CWF19L2: variants seen among roughly 807,000 people sequenced by gnomAD.
The protein encoded by CWF19L2 is CWF19 like cell cycle control factor 2.
A neutral mutation model predicts 111.7 loss-of-function variants in CWF19L2; 98 were observed. The ratio of observed to expected loss-of-function variants is 0.88; its 90% CI spans 0.75 to 1.04. The LOEUF is 1.04. Among genes scored for constraint, CWF19L2 ranks in the 50% least tolerant of loss-of-function variants. The probability of loss-of-function intolerance (pLI) is 0.00; values close to 1 mark genes in which losing one functional copy is unlikely to be tolerated. For synonymous variants in CWF19L2, 351 were observed against 342.9 expected (o/e 1.02, Z -0.26); for missense variants, 1,101 against 1,051.4 (o/e 1.05, Z -0.65).
intron 8 of CWF19L2, among the ~76,000 whole-genome samples, 160 bp from the exon 9 acceptor site, chr11:107,418,447 C>T (rs1861258444): frequency 6.6e-6 from 1 of 152,166 alleles, no homozygotes; most frequent in Non-Finnish European, 1.5e-5. Flanking sequence ...TATTTTTCCA[C>T]AAATTGATAA....
At chr11:107,418,943 A>T (rs1861266044) in intron 8 of CWF19L2, among the ~76,000 whole-genome samples, 1 of 152,216 alleles carries the variant, frequency 6.6e-6, no homozygotes, top group Non-Finnish European at 1.5e-5. Flanking sequence ...AGTCTGAAGG[A>T]TTTCTGAGTA....
Position 107,400,108 on chromosome 11 carries a change from CA to C in CWF19L2, c.1618-7214del, listed in dbSNP as rs1003130232. 4.6e-5 allele frequency among the ~76,000 whole-genome samples: 7 copies of C among 152,052 alleles called. No individual in the cohort carries two copies. The East Asian group carries it at 1.4e-3, about 29-fold the overall frequency. ...AGTTCATAGCCCTAAACGCCTATATCAAAAGTCTGAAAGTGCACAAACTGAC... is the reference window on the plus strand; with the variant it reads ...AGTTCATAGCCCTAAACGCCTATATCAAAGTCTGAAAGTGCACAAACTGAC... On this transcript the variant is annotated intron_variant, in intron 10 of 17. Transcript: ENST00000282251.
At chr11:107,339,879 G>A (rs1236520352) in intron 14 of CWF19L2, among the ~76,000 whole-genome samples, 4 of 151,966 alleles carry the variant, frequency 2.6e-5, no homozygotes, top group African/African-American at 7.3e-5. Context: ...TGTTGGCCAG[G>A]CTGGTCTCAA....
chr11:107,401,813 A>G (rs1591184401), intron 10 of CWF19L2, among the ~76,000 whole-genome samples: 1 of 152,278 alleles, frequency 6.6e-6, no homozygotes, highest in African/African-American at 2.4e-5. Context: ...GAAGCATCAC[A>G]CTACCTGATT....
chr11:107,361,776 T>C (rs1433668769), intron 12 of CWF19L2, among the ~76,000 whole-genome samples: 1 of 152,222 alleles, frequency 6.6e-6, no homozygotes, highest in East Asian at 1.9e-4. Flanking sequence ...TCAGCTACAC[T>C]GTTATGGTGT....
Position 107,367,046 on chromosome 11 carries a change from C to T in CWF19L2, c.1873-13310G>A, listed in dbSNP as rs1409030395. On this transcript the variant is annotated intron_variant, in intron 12 of 17. Coordinates refer to ENST00000282251, the MANE Select transcript of CWF19L2 (RefSeq NM_152434.3). ...TGAACAGACACTTCTCAAAAGAAGA[C>T]ATTTATGCAGCCAAAAAACACATGA... Among the ~76,000 whole-genome samples, 40 of 113,848 alleles carry T rather than the reference C, an allele frequency of 3.5e-4. 6 individuals are homozygous for T. The Admixed American group carries it at 3.6e-3, about 10-fold the overall frequency. The allele number at this position is 113,848 out of a possible 152,430, so 74.7% of individuals were successfully genotyped here.
At position 107,370,999 on chromosome 11, in the gene CWF19L2, A is replaced by G. The variant is rs1262238525; in HGVS notation, c.1873-17263T>C. On this transcript the variant is annotated intron_variant, in intron 12 of 17. Coordinates refer to ENST00000282251, the MANE Select transcript of CWF19L2 (RefSeq NM_152434.3). ...AAAACTGCTATTTCACGATGTTAAGATTTCTAGTTTCTCTTTTTTTTTTTT... is the reference window on the plus strand; with the variant it reads ...AAAACTGCTATTTCACGATGTTAAGGTTTCTAGTTTCTCTTTTTTTTTTTT... Among the ~76,000 whole-genome samples the G allele has an allele frequency of 2.4e-5, 3 of 124,654 alleles. 1 individual carries two copies. Among genetic ancestry groups the G allele is most frequent in the Non-Finnish European group, 4.9e-5 (3 of 60,850 alleles). The allele number at this position is 124,654 out of a possible 152,430, so 81.8% of individuals were successfully genotyped here.
rs755670454 is a variant in CWF19L2, at chr11:107,418,269, G to A, written c.1452C>T (p.Ser484=). The A allele has an allele frequency of 4.3e-6, 7 of 1,611,694 alleles. No homozygotes were observed. The highest frequency in any genetic ancestry group is 5.9e-6 in the Non-Finnish European group (7 of 1,177,888). ...TCTCATCAACACTCAGGATGTGAAT[G>A]GACTCACGCTCTGGACTGCTATTGG... The part of the protein sequence containing the change: ...STFAGSPERE[S]IHILSVDEKN... The change falls in exon 9 of 18, where the codon TCC becomes TCT. Residue 484 remains serine (S), a synonymous_variant. Transcript: ENST00000282251.
intron 6 of CWF19L2, among the ~76,000 whole-genome samples, chr11:107,435,465 T>C (rs1861528284): frequency 6.6e-6 from 1 of 151,904 alleles, no homozygotes; most frequent in African/African-American, 2.4e-5. Flanking sequence ...ATAGTAAAAA[T>C]TTCCTGAACA....
chr11:107,340,479 G>C (rs2134530840), intron 14 of CWF19L2, among the ~76,000 whole-genome samples: 1 of 152,214 alleles, frequency 6.6e-6, no homozygotes, highest in East Asian at 1.9e-4. Flanking sequence ...AGAATATTTG[G>C]TTGTGTCTAT....
chr11:107,425,179 AACACAC>A (rs138792527), intron 8 of CWF19L2, among the ~76,000 whole-genome samples: 125 of 144,936 alleles, frequency 8.6e-4, no homozygotes, highest in Admixed American at 1.0e-3. Context: ...CTCTCTTTGA[AACACAC>A]ACACACACAC....
chr11:107,416,063 C>T, intron 10 of CWF19L2, 146 bp downstream of exon 10: 1 of 205,910 alleles, frequency 4.9e-6, no homozygotes, highest in East Asian at 1.1e-4. Flanking sequence ...TGCCACTGCC[C>T]TGCAGCCTGG....
At position 107,336,792 on chromosome 11, in the gene CWF19L2, T is replaced by C. The variant is rs368394647; in HGVS notation, c.2203-79A>G. 51 of 788,964 alleles carry C rather than the reference T, an allele frequency of 6.5e-5. 2 individuals carry two copies. In the African/African-American group the frequency reaches 6.7e-4, roughly 10 times the overall value. 48.9% of individuals were successfully genotyped at this position (788,964 alleles called of 1,614,324 possible). On this transcript the variant is annotated intron_variant, in intron 14 of 17. Transcript: ENST00000282251. ...AAGCATATTCAAGATATTTGAAATA[T>C]GAAAACTTTAATAAAAAAGTACAAA...
In CWF19L2 at chr11:107,390,168, T is replaced by C. The variant is rs200252286; in HGVS notation, c.1778A>G (p.Asp593Gly). The change falls in exon 12 of 18, where the codon GAT becomes GGT. Residue 593 changes from aspartate (D) to glycine (G), a missense_variant. Asp to Gly is a moderately conservative substitution (Grantham distance 94). Coordinates refer to ENST00000282251, the MANE Select transcript of CWF19L2 (RefSeq NM_152434.3). ...EERERVRYFH[D>G]DDNLSLNDLV... The stretch of plus-strand genomic sequence containing the variant: ...ATCATTTAGGCTTAGATTATCATCA[T>C]CATGAAAGTATCTGACCCTTTCTCT... 1.2e-6 allele frequency: 2 copies of C among 1,611,274 alleles called. No individual in the cohort carries two copies. The highest frequency in any genetic ancestry group is 2.2e-5 in the East Asian group (1 of 44,754).
chr11:107,406,600 C>T (rs765856215), intron 10 of CWF19L2, among the ~76,000 whole-genome samples: 15 of 151,990 alleles, frequency 9.9e-5, no homozygotes, highest in East Asian at 1.9e-4. Context: ...ATCATATAGG[C>T]GCAATGCAGC....
intron 16 of CWF19L2, among the ~76,000 whole-genome samples, chr11:107,331,113 T>C (rs1479901740): frequency 3.3e-5 from 5 of 152,236 alleles, no homozygotes; most frequent in Admixed American, 3.3e-4. Context: ...ATACCATTTG[T>C]GGCTTTAATT....
At chr11:107,361,083 A>G (rs758452891) in intron 12 of CWF19L2, among the ~76,000 whole-genome samples, 7 of 152,110 alleles carry the variant, frequency 4.6e-5, no homozygotes, top group South Asian at 2.1e-4. Context: ...TATGGTTTCA[A>G]GTTCTCCATG....
intron 7 of CWF19L2, among the ~76,000 whole-genome samples, chr11:107,433,361 C>T (rs574353552): frequency 6.6e-6 from 1 of 152,044 alleles, no homozygotes; most frequent in African/African-American, 2.4e-5. Flanking sequence ...ACCATGCAGA[C>T]TTTCCGGCAT....
Position 107,429,362 on chromosome 11 carries a change from G to A in CWF19L2, c.870C>T (p.Pro290=), listed in dbSNP as rs1390085910. The A allele has an allele frequency of 6.3e-6, 10 of 1,599,558 alleles. No individual in the cohort carries two copies. The highest frequency in any genetic ancestry group is 8.5e-6 in the Non-Finnish European group (10 of 1,171,406). The part of the protein sequence containing the change: ...EDYRRERWRK[P]TYSDKAQNCQ... ...AATTTTGTGCTTTATCTGAATATGT[G>A]GGTTTCCTCCACCGTTCCCGTCTAT... The change falls in exon 8 of 18, where the codon CCC becomes CCT. Residue 290 remains proline (P), a synonymous_variant. Coordinates refer to ENST00000282251, the MANE Select transcript of CWF19L2 (RefSeq NM_152434.3).
Sources: allele counts gnomAD v4.1 joint callset (sites outside exome capture counted in the v4.1 genomes callset), GRCh38; gene constraint gnomAD v4.1.1; transcripts MANE v1.5; gene names NCBI Gene and HGNC (gene_info 2026-07-23, HGNC 2026-07-21).